COL5A1: variants seen among roughly 807,000 people sequenced by gnomAD.
COL5A1 encodes the protein collagen type V alpha 1 chain, also known as collagen alpha-1(V) chain.
In COL5A1, 16 loss-of-function variants were observed where a neutral mutation model predicts 263.7. The ratio of observed to expected loss-of-function variants is 0.06; its 90% CI spans 0.04 to 0.09. The LOEUF is 0.09. Among genes scored for constraint, COL5A1 ranks in the 10% least tolerant of loss-of-function variants. The pLI, the probability that COL5A1 is intolerant of heterozygous loss-of-function variation, is 1.00. For missense variants in COL5A1, 2,036 were observed against 2,540.5 expected (o/e 0.80, Z 4.27); for synonymous variants, 1,012 against 1,004.5 (o/e 1.01, Z -0.14).
intron 1 of COL5A1, among the ~76,000 whole-genome samples, chr9:134,690,342 C>T (rs1370408801): frequency 2.0e-5 from 3 of 152,160 alleles, no homozygotes; most frequent in African/African-American, 7.2e-5. Flanking sequence ...GTGACATCCC[C>T]GTGACCTCTG....
intron 17 of COL5A1, 24 bp downstream of exon 17, chr9:134,756,842 G>C (rs1234396619): frequency 1.2e-6 from 2 of 1,611,624 alleles, no homozygotes; most frequent in African/African-American, 2.7e-5. Flanking sequence ...CACCCTCCTG[G>C]TGCCCTGGCA....
chr9:134,777,138 A>G (rs950914285), intron 27 of COL5A1, among the ~76,000 whole-genome samples: 2 of 152,246 alleles, frequency 1.3e-5, no homozygotes, highest in African/African-American at 4.8e-5. Flanking sequence ...TGCACGTCTG[A>G]AGGGGCACCT....
At chr9:134,666,629 G>T (rs896705998) in intron 1 of COL5A1, among the ~76,000 whole-genome samples, 1 of 152,184 alleles carries the variant, frequency 6.6e-6, no homozygotes, top group Non-Finnish European at 1.5e-5. Flanking sequence ...CTCTTGTTTG[G>T]CCTCAGGGTG....
At chr9:134,726,897 AGATG>A (rs1414647755) in intron 4 of COL5A1, among the ~76,000 whole-genome samples, 4 of 145,906 alleles carry the variant, frequency 2.7e-5, no homozygotes, top group African/African-American at 1.0e-4. Context: ...ATGGATGGAT[AGATG>A]GATGGATGGG....
chr9:134,730,497 G>T (rs1375083577), intron 7 of COL5A1, 22 bp downstream of exon 7: 4 of 1,613,548 alleles, frequency 2.5e-6, no homozygotes, highest in Non-Finnish European at 3.4e-6. Context: ...CCTTCCCATT[G>T]GTTTGGTCTG....
intron 28 of COL5A1, 50 bp from the exon 29 acceptor site, chr9:134,782,617 G>T: frequency 6.4e-7 from 1 of 1,559,998 alleles, no homozygotes; most frequent in African/African-American, 1.4e-5. Context: ...GACCGCCAGG[G>T]AGGCGGGTCC....
Position 134,835,140 on chromosome 9 carries a change from C to T in COL5A1, c.5306C>T (p.Ser1769Phe), listed in dbSNP as rs894882071. The change falls in exon 65 of 66, where the codon TCC becomes TTC. Residue 1769 changes from serine (S) to phenylalanine (F), a missense_variant. Ser to Phe is a radical substitution (Grantham distance 155). Transcript: ENST00000371817. The part of the protein sequence containing the change: ...SYDKALRFLG[S>F]NDEEMSYDNN... ...GACAAGGCCCTCCGCTTCCTGGGCT[C>T]CAACGACGAGGAGATGTCCTATGAC... 15 of 1,613,762 alleles carry T rather than the reference C, an allele frequency of 9.3e-6. No homozygotes were observed. The highest frequency in any genetic ancestry group is 1.3e-5 in the Non-Finnish European group (15 of 1,180,038).
chr9:134,654,723 A>C (rs1227109987), intron 1 of COL5A1, among the ~76,000 whole-genome samples: 1 of 51,360 alleles, frequency 1.9e-5, no homozygotes. Flanking sequence ...AGGGCTGTAG[A>C]TGTGTAGGGC....
intron 22 of COL5A1, among the ~76,000 whole-genome samples, chr9:134,766,766 T>C (rs981336994): frequency 6.6e-6 from 1 of 152,268 alleles, no homozygotes; most frequent in Middle Eastern, 3.4e-3. Context: ...CTGGGCATAT[T>C]TGCATAAACG....
intron 11 of COL5A1, among the ~76,000 whole-genome samples, chr9:134,748,241 GCACACATGCATTTACACATGCA>G (rs1413346787): frequency 4.7e-5 from 7 of 148,700 alleles, no homozygotes; most frequent in African/African-American, 1.0e-4. Flanking sequence ...CCACACACAT[GCACACATGCATTTACACATGCA>G]CACACATGCC....
chr9:134,685,347 TCCA>T, intron 1 of COL5A1, among the ~76,000 whole-genome samples: 1 of 141,304 alleles, frequency 7.1e-6, no homozygotes, highest in Admixed American at 7.1e-5. Flanking sequence ...CATCCATCCA[TCCA>T]TCCGTCCATC....
chr9:134,762,401 G>T (rs1229281380), intron 19 of COL5A1, among the ~76,000 whole-genome samples: 1 of 152,210 alleles, frequency 6.6e-6, no homozygotes, highest in Non-Finnish European at 1.5e-5. Flanking sequence ...AGAAGAGGGT[G>T]GGGGGATTGG....
At chr9:134,672,614 G>C (rs575558658) in intron 1 of COL5A1, among the ~76,000 whole-genome samples, 1 of 152,194 alleles carries the variant, frequency 6.6e-6, no homozygotes, top group South Asian at 2.1e-4. Context: ...TCAGGAACAA[G>C]GCAGGAACGT....
At chr9:134,787,103 G>A (rs997929849) in intron 31 of COL5A1, among the ~76,000 whole-genome samples, 5 of 152,228 alleles carry the variant, frequency 3.3e-5, no homozygotes, top group African/African-American at 4.8e-5. Flanking sequence ...GCTGCTGACC[G>A]CAGCATCGTC....
intron 1 of COL5A1, among the ~76,000 whole-genome samples, chr9:134,648,998 G>A (rs1831572267): frequency 6.6e-6 from 1 of 151,940 alleles, no homozygotes; most frequent in African/African-American, 2.4e-5. Context: ...CCAGCTGCAG[G>A]CCTCTGTTCT....
At chr9:134,651,822 C>T (rs530538939) in intron 1 of COL5A1, among the ~76,000 whole-genome samples, 22 of 152,348 alleles carry the variant, frequency 1.4e-4, no homozygotes, top group Admixed American at 6.5e-5. Context: ...AGGGACATTC[C>T]CAGGATCTGT....
In COL5A1 at chr9:134,823,440, GCAGGCCACC is replaced by G; in HGVS notation, c.4674_4682del (p.His1559_Gly1561del). 1 of 1,614,186 alleles carries G rather than the reference GCAGGCCACC, an allele frequency of 6.2e-7. No individual in the cohort carries two copies. The highest frequency in any genetic ancestry group is 8.5e-7 in the Non-Finnish European group (1 of 1,180,010). On this transcript the variant is annotated inframe_deletion, in exon 61 of 66. Coordinates refer to ENST00000371817, the MANE Select transcript of COL5A1 (RefSeq NM_000093.5). ...GGGTCCAACTGGCCCGAAGGGTGAG[GCAGGCCACC>G]CAGGACCCCCAGGCCCCCCGGTAAG... is the stretch of plus-strand genomic sequence containing the variant.
In COL5A1 at chr9:134,754,187, G is replaced by T. The variant is rs1360550683; in HGVS notation, c.1774-86G>T. ...GGCTTGGACAGCCAGGCATGGGCAG[G>T]GTCGATGAGCACAGGGACAAGGCTT... On this transcript the variant is annotated intron_variant, in intron 15 of 65. Coordinates refer to ENST00000371817, the MANE Select transcript of COL5A1 (RefSeq NM_000093.5). The surrounding 1 kb of genome is among the most constrained non-coding windows in gnomAD (Gnocchi z 4.3). 2.1e-6 allele frequency: 3 copies of T among 1,437,854 alleles called. No individual in the cohort carries two copies. Among genetic ancestry groups the T allele is most frequent in the East Asian group, 2.3e-5 (1 of 43,760 alleles). The allele number at this position is 1,437,854 out of a possible 1,614,324, so 89.1% of individuals were successfully genotyped here. A position where few individuals can be genotyped will look rare whatever the true frequency, so the allele number is the denominator to read the frequency against.
intron 39 of COL5A1, 103 bp from the exon 40 acceptor site, chr9:134,804,872 C>G: frequency 1.0e-6 from 1 of 998,608 alleles, no homozygotes. Context: ...GTCTGCGTTG[C>G]TGGCTCCAAG....
Sources: gnomAD v4.1 joint callset for allele counts (sites outside exome capture counted in the v4.1 genomes callset) on GRCh38, gnomAD v4.1.1 for gene constraint, Gnocchi (gnomAD v3.1) non-coding constraint, MANE v1.5 for transcripts, NCBI Gene and HGNC (gene_info 2026-07-23, HGNC 2026-07-21) for gene names.